VASH1: variants seen among roughly 807,000 people sequenced by gnomAD.
VASH1 encodes the protein tubulinyl-Tyr carboxypeptidase 1.
VASH1 carries 16 observed loss-of-function variants against 35.0 expected under a neutral mutation model. That is an observed-to-expected ratio of 0.46 (90% CI 0.31 to 0.70). VASH1 has a LOEUF of 0.70. Ranked by LOEUF, VASH1 falls within the 30% of genes least tolerant of loss-of-function variation. VASH1 has a pLI of 0.05. For synonymous variants in VASH1, 214 were observed against 200.9 expected, an observed-to-expected ratio of 1.07 and a Z score of -0.55; for missense variants, 505 against 510.7, an observed-to-expected ratio of 0.99 and a Z score of 0.11.
chr14:76,769,247 G>T (rs1893725740), intron 1 of VASH1: 5 of 1,262,586 alleles, frequency 4.0e-6, no homozygotes, highest in Non-Finnish European at 5.1e-6. Flanking sequence ...TGCGTTCTGG[G>T]GAGGAAGACT....
chr14:76,761,535 G>T lies in VASH1; in HGVS notation c.-1287G>T. ...ACGTGGTCGGCGGCAGCGGGGCCCA[G>T]GGGCGGCGGGGCTGCAGCAGCGGCG... On this transcript the variant is annotated 5_prime_UTR_variant, in exon 1 of 7. It adds an upstream start codon to the 5' untranslated region. Transcript: ENST00000167106. 6.5e-6 allele frequency: 1 copy of T among 152,980 alleles called. No homozygotes were observed. Among genetic ancestry groups the T allele is most frequent in the South Asian group, 1.8e-4 (1 of 5,442 alleles). 9.5% of individuals were successfully genotyped at this position (152,980 alleles called of 1,614,324 possible). A position where few individuals can be genotyped will look rare whatever the true frequency, so the allele number is the denominator to read the frequency against.
rs183716533 is a variant in VASH1, at chr14:76,775,543, G to A, written c.531-349G>A. Among the ~76,000 whole-genome samples the A allele has an allele frequency of 4.6e-3, 707 of 152,278 alleles. 2 individuals carry two copies. The highest frequency in any genetic ancestry group is 0.016 in the African/African-American group (676 of 41,544). ...TGCCAAGGTGCGGGATGGAGGGCGA[G>A]GGAGTGAGGCAGGGGAGGGAAGGCT... On this transcript the variant is annotated intron_variant, in intron 4 of 6. Transcript: ENST00000167106.
chr14:76,772,758 C>T (rs1893826617), intron 3 of VASH1, among the ~76,000 whole-genome samples: 1 of 152,226 alleles, frequency 6.6e-6, no homozygotes, highest in South Asian at 2.1e-4. Flanking sequence ...GAGATCGATG[C>T]TGACGTCCCT....
In VASH1 at chr14:76,779,251, T is replaced by G. The variant is rs1894034318; in HGVS notation, c.*233T>G. ...TATTTGGAGTTTTTAACTCTACAACTGAAGTTTAAGGTATTTGGGGAAAAC... is the reference window on the plus strand; with the variant it reads ...TATTTGGAGTTTTTAACTCTACAACGGAAGTTTAAGGTATTTGGGGAAAAC... On this transcript the variant is annotated 3_prime_UTR_variant, in exon 7 of 7. Coordinates refer to ENST00000167106, the MANE Select transcript of VASH1 (RefSeq NM_014909.5). 1 of 699,296 alleles carries G rather than the reference T, an allele frequency of 1.4e-6. No individual in the cohort carries two copies. Among genetic ancestry groups the G allele is most frequent in the Non-Finnish European group, 2.6e-6 (1 of 384,458 alleles). 43.3% of individuals were successfully genotyped at this position (699,296 alleles called of 1,614,324 possible).
intron 1 of VASH1, among the ~76,000 whole-genome samples, chr14:76,766,049 C>A (rs1445396454): frequency 6.6e-6 from 1 of 152,186 alleles, no homozygotes; most frequent in Non-Finnish European, 1.5e-5. Flanking sequence ...AATAGCAATG[C>A]CCATCAAGAG....
chr14:76,778,215 GT>G, intron 6 of VASH1, 144 bp downstream of exon 6: 1 of 594,704 alleles, frequency 1.7e-6, no homozygotes, highest in Non-Finnish European at 2.6e-6. Context: ...GGGATGGTGG[GT>G]TTAGAGGTTT....
intron 4 of VASH1, chr14:76,773,513 CACAAAG>C (rs1227191949): frequency 4.3e-6 from 2 of 462,676 alleles, no homozygotes; most frequent in African/African-American, 3.9e-5. Context: ...CACAGTGTCT[CACAAAG>C]ACAGTTGTAC....
chr14:76,768,446 G>C (rs1177218050), intron 1 of VASH1, among the ~76,000 whole-genome samples: 3 of 152,128 alleles, frequency 2.0e-5, no homozygotes, highest in African/African-American at 7.2e-5. Flanking sequence ...GAAGACCGAC[G>C]GGAGGGAGGG....
Position 76,779,426 on chromosome 14 carries a change from C to T in VASH1, c.*408C>T. ...TGGGTGCATCTTATCAGTGGGAAAT[C>T]TCCCAGCCTTACCAGGCCTGTGATG... On this transcript the variant is annotated 3_prime_UTR_variant, in exon 7 of 7. Coordinates refer to ENST00000167106, the MANE Select transcript of VASH1 (RefSeq NM_014909.5). 1.4e-6 allele frequency: 1 copy of T among 701,418 alleles called. No individual in the cohort carries two copies. The highest frequency in any genetic ancestry group is 1.5e-5 in the South Asian group (1 of 67,540). 43.4% of individuals were successfully genotyped at this position (701,418 alleles called of 1,614,324 possible).
In VASH1 at chr14:76,779,866, C is replaced by T; in HGVS notation, c.*848C>T. ...CATGGCTGTGGGAGTTGAGCAAACC[C>T]TGGGTGCCAGTCCAGGAGCTGTGGC... On this transcript the variant is annotated 3_prime_UTR_variant, in exon 7 of 7. Coordinates refer to ENST00000167106, the MANE Select transcript of VASH1 (RefSeq NM_014909.5). 1 of 331,848 alleles carries T rather than the reference C, an allele frequency of 3.0e-6. No homozygotes were observed. Among genetic ancestry groups the T allele is most frequent in the Non-Finnish European group, 5.5e-6 (1 of 181,934 alleles). 20.6% of individuals were successfully genotyped at this position (331,848 alleles called of 1,614,324 possible).
chr14:76,762,736 T>G lies in VASH1; in HGVS notation c.-86T>G. 3 of 1,254,202 alleles carry G rather than the reference T, an allele frequency of 2.4e-6. No homozygotes were observed. Among genetic ancestry groups the G allele is most frequent in the Non-Finnish European group, 3.2e-6 (3 of 938,526 alleles). The allele number at this position is 1,254,202 out of a possible 1,614,324, so 77.7% of individuals were successfully genotyped here. On this transcript the variant is annotated 5_prime_UTR_variant, in exon 1 of 7. The change abolishes an upstream ATG in the 5' untranslated region. Coordinates refer to ENST00000167106, the MANE Select transcript of VASH1 (RefSeq NM_014909.5). ...TTAAAGGCGCCTTGCACTCTGGCCA[T>G]GTGTTATCTCTGCAGCCGGTGTGTG...
chr14:76,763,096 C>T lies in VASH1; in HGVS notation c.275C>T (p.Ala92Val), dbSNP rs369339672. The T allele has an allele frequency of 1.3e-6, 2 of 1,497,562 alleles. No homozygotes were observed. The highest frequency in any genetic ancestry group is 2.2e-5 in the Admixed American group (1 of 46,506). The allele number at this position is 1,497,562 out of a possible 1,614,324, so 92.8% of individuals were successfully genotyped here. A position where few individuals can be genotyped will look rare whatever the true frequency, so the allele number is the denominator to read the frequency against. The change falls in exon 1 of 7, where the codon GCG (alanine) becomes GTG (valine). Residue 92 changes from alanine (A) to valine (V), a missense_variant. By Grantham distance (64) the Ala-to-Val change is moderately conservative. Transcript: ENST00000167106. ...AKIHPDGEKV[A>V]QRIRGATDLP... ...ATCCACCCCGATGGAGAGAAGGTGG[C>T]GCAACGGATCCGTGGGGCCACAGAC...
At chr14:76,769,929 C>G (rs1386280627) in intron 1 of VASH1, 34 bp from the exon 2 acceptor site, 3 of 1,607,924 alleles carry the variant, frequency 1.9e-6, no homozygotes, top group African/African-American at 1.3e-5. Flanking sequence ...AGGTGAGCCT[C>G]TTCTTGTGAC....
chr14:76,771,677 A>G (rs1177051849), intron 3 of VASH1, among the ~76,000 whole-genome samples: 2 of 152,094 alleles, frequency 1.3e-5, no homozygotes, highest in African/African-American at 4.8e-5. Flanking sequence ...TTGCATGGTC[A>G]CCCCATTTGC....
In VASH1 at chr14:76,761,554, A is replaced by G. The variant is rs1893505319; in HGVS notation, c.-1268A>G. ...GGCCCAGGGGCGGCGGGGCTGCAGC[A>G]GCGGCGGCCCCAGCTTCGCCGAGCA... On this transcript the variant is annotated 5_prime_UTR_variant, in exon 1 of 7. Coordinates refer to ENST00000167106, the MANE Select transcript of VASH1 (RefSeq NM_014909.5). Among the ~76,000 whole-genome samples the G allele has an allele frequency of 6.6e-6, 1 of 152,048 alleles. No individual in the cohort carries two copies. Among genetic ancestry groups the G allele is most frequent in the East Asian group, 1.9e-4 (1 of 5,164 alleles).
At chr14:76,773,720 T>C (rs1279583257) in intron 4 of VASH1, 1 of 156,320 alleles carries the variant, frequency 6.4e-6, no homozygotes, top group African/African-American at 2.4e-5. Context: ...TGTAGCTGAG[T>C]CACCAGGGTA....
chr14:76,764,988 G>A (rs532700465), intron 1 of VASH1, among the ~76,000 whole-genome samples: 9 of 152,182 alleles, frequency 5.9e-5, no homozygotes, highest in East Asian at 1.9e-4. Context: ...CACCACGCCC[G>A]GCCAGACATC....
At position 76,772,697 on chromosome 14, in the gene VASH1, T is replaced by A. The variant is rs1893824491; in HGVS notation, c.456-440T>A. 3.9e-5 allele frequency among the ~76,000 whole-genome samples: 6 copies of A among 152,216 alleles called. No homozygotes were observed. In the South Asian group the frequency reaches 1.2e-3, roughly 31 times the overall value. On this transcript the variant is annotated intron_variant, in intron 3 of 6. Coordinates refer to ENST00000167106, the MANE Select transcript of VASH1 (RefSeq NM_014909.5). ...CAGTTGCAGTCAATTAACAAGCTCC[T>A]GGGAGAAGCCATGGTTGGGTCAGTG... is the stretch of plus-strand genomic sequence containing the variant.
At chr14:76,773,069 C>G in intron 3 of VASH1, 68 bp from the exon 4 acceptor site, 1 of 1,519,584 alleles carries the variant, frequency 6.6e-7, no homozygotes, top group Non-Finnish European at 9.1e-7. Flanking sequence ...ACCCTGCCCC[C>G]TCCTTCTCAC....
Sources: allele counts gnomAD v4.1 joint callset (sites outside exome capture counted in the v4.1 genomes callset), GRCh38; gene constraint gnomAD v4.1.1; transcripts MANE v1.5; gene names NCBI Gene and HGNC (gene_info 2026-07-23, HGNC 2026-07-21).